SPIRE2: variants seen among roughly 807,000 people sequenced by gnomAD.
SPIRE2 encodes spire type actin nucleation factor 2.
Under a neutral mutation model 80.7 loss-of-function variants are expected in SPIRE2, and 76 were observed. That is an observed-to-expected ratio of 0.94 (90% CI 0.78 to 1.14). The LOEUF is 1.14. SPIRE2 is among the 50% of genes most tolerant of loss of function. The probability of loss-of-function intolerance (pLI) is 0.00; values close to 1 mark genes in which losing one functional copy is unlikely to be tolerated. For synonymous variants in SPIRE2, 535 were observed against 432.6 expected, an observed-to-expected ratio of 1.24 and a Z score of -2.94; for missense variants, 1,196 against 1,015.3, an observed-to-expected ratio of 1.18 and a Z score of -2.42.
chr16:89,843,960 C>CA (rs1182995777), intron 1 of SPIRE2, among the ~76,000 whole-genome samples: 2 of 148,588 alleles, frequency 1.3e-5, no homozygotes, highest in Non-Finnish European at 3.0e-5. Flanking sequence ...CGTGGCACCT[C>CA]AAAGTGCTGA....
chr16:89,839,686 C>A (rs2041485575), intron 1 of SPIRE2, among the ~76,000 whole-genome samples: 1 of 152,192 alleles, frequency 6.6e-6, no homozygotes, highest in South Asian at 2.1e-4. Flanking sequence ...GGGGGTTGGG[C>A]CCAATGTAGC....
At chr16:89,858,195 T>A (rs1026872962) in intron 7 of SPIRE2, 143 bp from the exon 8 acceptor site, 2 of 944,582 alleles carry the variant, frequency 2.1e-6, no homozygotes, top group South Asian at 3.8e-5. Flanking sequence ...TAGTTCCTCA[T>A]TTTTTTAAAT....
intron 1 of SPIRE2, chr16:89,836,581 G>A (rs1250226208): frequency 5.2e-6 from 1 of 193,822 alleles, no homozygotes; most frequent in East Asian, 1.3e-4. Context: ...TGTTTCTTTT[G>A]AGGTGAAATT....
At chr16:89,855,165 C>T (rs186848469) in intron 5 of SPIRE2, among the ~76,000 whole-genome samples, 1 of 152,200 alleles carries the variant, frequency 6.6e-6, no homozygotes, top group Non-Finnish European at 1.5e-5. Context: ...GTCTCGATCT[C>T]CTGACCTTGT....
At chr16:89,858,590 G>A (rs770777191) in intron 8 of SPIRE2, 83 bp downstream of exon 8, 70 of 1,344,278 alleles carry the variant, frequency 5.2e-5, no homozygotes, top group Middle Eastern at 1.9e-4. Flanking sequence ...AAGCTAAGCC[G>A]GGGGCAGCAG....
chr16:89,855,128 T>C (rs377743905), intron 5 of SPIRE2, among the ~76,000 whole-genome samples: 126 of 152,142 alleles, frequency 8.3e-4, no homozygotes, highest in African/African-American at 2.8e-3. Context: ...TTAGTAGAGA[T>C]GGGGTTTCAC....
At chr16:89,856,535 C>A (rs2041693494) in intron 7 of SPIRE2, among the ~76,000 whole-genome samples, 2 of 152,118 alleles carry the variant, frequency 1.3e-5, no homozygotes, top group East Asian at 3.9e-4. Context: ...ACCTCCGCCC[C>A]CCGGGTTCAA....
chr16:89,854,660 G>C lies in SPIRE2; in HGVS notation c.891+9G>C. 6.2e-7 allele frequency: 1 copy of C among 1,608,550 alleles called. No individual in the cohort carries two copies. Among genetic ancestry groups the C allele is most frequent in the Non-Finnish European group, 8.5e-7 (1 of 1,176,880 alleles). On this transcript the variant is annotated intron_variant, in intron 5 of 14. Transcript: ENST00000378247. ...AGCTGCGCAAGGTCATGGTGAGCGG[G>C]GCAGACGCAGAGGGGCAGCCTGGAT...
chr16:89,839,615 G>T (rs2041484718), intron 1 of SPIRE2, among the ~76,000 whole-genome samples: 1 of 152,222 alleles, frequency 6.6e-6, no homozygotes. Context: ...GAAACCCCTG[G>T]AGGCGGGAGA....
chr16:89,845,275 G>T (rs778462330), intron 1 of SPIRE2, 47 bp from the exon 2 acceptor site: 1 of 1,584,550 alleles, frequency 6.3e-7, no homozygotes, highest in Non-Finnish European at 8.7e-7. Flanking sequence ...TGTTTATTGG[G>T]GTCCCGGGGA....
At chr16:89,866,317 G>C (rs2143829648) in intron 12 of SPIRE2, among the ~76,000 whole-genome samples, 1 of 151,442 alleles carries the variant, frequency 6.6e-6, no homozygotes, top group South Asian at 2.1e-4. Context: ...ATTTTTTTGA[G>C]ATAGAGTTTC....
Position 89,870,542 on chromosome 16 carries a change from G to A in SPIRE2, c.*270G>A, listed in dbSNP as rs990375440. 1 of 388,552 alleles carries A rather than the reference G, an allele frequency of 2.6e-6. No individual in the cohort carries two copies. The highest frequency in any genetic ancestry group is 4.1e-5 in the Admixed American group (1 of 24,588). The allele number at this position is 388,552 out of a possible 1,614,324, so 24.1% of individuals were successfully genotyped here. A position where few individuals can be genotyped will look rare whatever the true frequency, so the allele number is the denominator to read the frequency against. ...ACAGGGTGGGTTTTCTCACTGAAGA[G>A]AGAAAGCAGAAGGTTCTAGATCCTG... On this transcript the variant is annotated 3_prime_UTR_variant, in exon 15 of 15. Coordinates refer to ENST00000378247, the MANE Select transcript of SPIRE2 (RefSeq NM_032451.2).
intron 2 of SPIRE2, among the ~76,000 whole-genome samples, chr16:89,849,385 G>A (rs1020489263): frequency 3.3e-5 from 5 of 152,256 alleles, no homozygotes; most frequent in Non-Finnish European, 7.3e-5. Context: ...CCACGTCAGT[G>A]TGGCTCGAGG....
At chr16:89,855,908 GC>G in intron 6 of SPIRE2, 1 of 1,032,644 alleles carries the variant, frequency 9.7e-7, no homozygotes, top group Non-Finnish European at 1.4e-6. Context: ...TGTGAGCCAT[GC>G]CCACCCCACC....
chr16:89,858,361 C>T lies in SPIRE2; in HGVS notation c.1126C>T (p.Leu376Phe), dbSNP rs2041711464. 1.9e-6 allele frequency: 3 copies of T among 1,609,314 alleles called. No homozygotes were observed. The highest frequency in any genetic ancestry group is 4.5e-5 in the East Asian group (2 of 44,746). The change falls in exon 8 of 15, where the codon CTC becomes TTC. Residue 376 changes from leucine to phenylalanine, a missense_variant. Physicochemically the swap from Leu to Phe is conservative, Grantham distance 22 (BLOSUM62 0). Coordinates refer to ENST00000378247, the MANE Select transcript of SPIRE2 (RefSeq NM_032451.2). ...ARGFGSLPCI[L>F]NACSGDAKST... The stretch of plus-strand genomic sequence containing the variant: ...AGGGTTTGGCTCTCTGCCCTGCATC[C>T]TCAACGCCTGCTCCGGAGATGCCAA...
At chr16:89,850,065 T>C (rs1014852813) in intron 2 of SPIRE2, 1 of 644,004 alleles carries the variant, frequency 1.6e-6, no homozygotes, top group Non-Finnish European at 2.9e-6. Flanking sequence ...CTTGAACTCC[T>C]GACCTCGTGA....
At chr16:89,847,849 G>A (rs754151702) in intron 2 of SPIRE2, among the ~76,000 whole-genome samples, 2 of 152,218 alleles carry the variant, frequency 1.3e-5, no homozygotes. Flanking sequence ...TTTTATGGAC[G>A]CAGCCTTCAG....
chr16:89,838,256 C>G (rs1336651085), intron 1 of SPIRE2, among the ~76,000 whole-genome samples: 3 of 149,184 alleles, frequency 2.0e-5, no homozygotes, highest in Non-Finnish European at 4.4e-5. Context: ...AATCTCAGCT[C>G]ACTGCAAACT....
At position 89,828,641 on chromosome 16, in the gene SPIRE2, T is replaced by C; in HGVS notation, c.91T>C (p.Tyr31His). The C allele has an allele frequency of 1.5e-6, 2 of 1,358,946 alleles. No homozygotes were observed. Among genetic ancestry groups the C allele is most frequent in the Non-Finnish European group, 1.9e-6 (2 of 1,045,212 alleles). 84.2% of individuals were successfully genotyped at this position (1,358,946 alleles called of 1,614,324 possible). The change falls in exon 1 of 15, where the codon TAC (tyrosine) becomes CAC (histidine). Residue 31 changes from tyrosine (Y) to histidine (H), a missense_variant. Coordinates refer to ENST00000378247, the MANE Select transcript of SPIRE2 (RefSeq NM_032451.2). The surrounding 1 kb of genome is among the most constrained non-coding windows in gnomAD (Gnocchi z 5.9). The part of the protein sequence containing the change: ...ELSLEEVLKA[Y>H]EQPLNEEQAW... ...GTCCCTGGAGGAGGTGCTGAAGGCCTACGAGCAGCCGCTCAACGAGGAGCA... is the reference window on the plus strand; with the variant it reads ...GTCCCTGGAGGAGGTGCTGAAGGCCCACGAGCAGCCGCTCAACGAGGAGCA...
Sources: allele counts gnomAD v4.1 joint callset (sites outside exome capture counted in the v4.1 genomes callset), GRCh38; gene constraint gnomAD v4.1.1; non-coding constraint Gnocchi (gnomAD v3.1); transcripts MANE v1.5; gene names NCBI Gene and HGNC (gene_info 2026-07-23, HGNC 2026-07-21).